PROK1: variants seen among roughly 807,000 people sequenced by gnomAD.
PROK1 encodes the protein prokineticin 1, also known as prokineticin-1.
PROK1 carries 10 observed loss-of-function variants against 8.8 expected under a neutral mutation model. The observed-to-expected ratio is 1.13, with a 90% confidence interval of 0.70 to 1.92. The LOEUF (loss-of-function observed/expected upper bound fraction) is 1.92, where lower values mean the gene tolerates loss of function less well. Among genes scored for constraint, PROK1 ranks in the 30% most tolerant of loss-of-function variants. The pLI is 0.00. For missense variants in PROK1, 140 were observed against 139.7 expected (o/e 1.00, Z -0.01); for synonymous variants, 57 against 56.0 (o/e 1.02, Z -0.08).
chr1:110,455,373 C>T (rs139576490), intron 2 of PROK1, among the ~76,000 whole-genome samples: 7 of 152,320 alleles, frequency 4.6e-5, no homozygotes, highest in African/African-American at 1.2e-4. Flanking sequence ...TCTCTAGGCA[C>T]GGAGCGTCCT....
At position 110,456,472 on chromosome 1, in the gene PROK1, C is replaced by G; in HGVS notation, c.*121C>G. 1 of 1,272,326 alleles carries G rather than the reference C, an allele frequency of 7.9e-7. No individual in the cohort carries two copies. Among genetic ancestry groups the G allele is most frequent in the Non-Finnish European group, 1.1e-6 (1 of 888,570 alleles). The allele number at this position is 1,272,326 out of a possible 1,614,324, so 78.8% of individuals were successfully genotyped here. A position where few individuals can be genotyped will look rare whatever the true frequency, so the allele number is the denominator to read the frequency against. ...GTCCCTACACTGACTACCCTGATCT[C>G]TCTTGTCTAGTACGCACATATGCAC... On this transcript the variant is annotated 3_prime_UTR_variant, in exon 3 of 3. Coordinates refer to ENST00000271331, the MANE Select transcript of PROK1 (RefSeq NM_032414.3).
chr1:110,453,448 A>G (rs1035449638), intron 1 of PROK1, among the ~76,000 whole-genome samples: 3 of 152,078 alleles, frequency 2.0e-5, no homozygotes, highest in African/African-American at 7.2e-5. Flanking sequence ...CCCTCTGCTG[A>G]GGCTGGGCCA....
In PROK1 at chr1:110,454,087, G is replaced by A. The variant is rs113229704; in HGVS notation, c.198+1G>A. On this transcript the variant is annotated splice_donor_variant, in intron 2 of 2. Transcript: ENST00000271331. LOFTEE classifies it high-confidence loss of function. ...GGAGTGCCACCCCGGCAGCCACAAGGTACTCTGCAGACACTGCATAGGTGC... is the reference window on the plus strand; with the variant it reads ...GGAGTGCCACCCCGGCAGCCACAAGATACTCTGCAGACACTGCATAGGTGC... 4.0e-5 allele frequency: 65 copies of A among 1,613,474 alleles called. No homozygotes were observed. The highest frequency in any genetic ancestry group is 5.3e-5 in the Non-Finnish European group (63 of 1,179,920).
At chr1:110,453,095 G>A (rs1664112939) in intron 1 of PROK1, among the ~76,000 whole-genome samples, 1 of 152,194 alleles carries the variant, frequency 6.6e-6, no homozygotes, top group Non-Finnish European at 1.5e-5. Context: ...GCAGCCTGAA[G>A]GTGCCCATAG....
chr1:110,451,922 G>A (rs931338155), intron 1 of PROK1, among the ~76,000 whole-genome samples: 1 of 151,754 alleles, frequency 6.6e-6, no homozygotes, highest in Non-Finnish European at 1.5e-5. Flanking sequence ...CAGTCTCGAA[G>A]CAGAGAAGCA....
intron 2 of PROK1, among the ~76,000 whole-genome samples, chr1:110,455,631 CAT>C (rs1557936683): frequency 6.6e-6 from 1 of 152,196 alleles, no homozygotes; most frequent in African/African-American, 2.4e-5. Context: ...TTTATAACCA[CAT>C]GTGGTAGGTG....
chr1:110,454,716 C>T (rs1664142877), intron 2 of PROK1, among the ~76,000 whole-genome samples: 1 of 152,238 alleles, frequency 6.6e-6, no homozygotes, highest in South Asian at 2.1e-4. Context: ...CTTGGGCAAA[C>T]TACCTCACCT....
chr1:110,454,133 C>T (rs565581756), intron 2 of PROK1, 47 bp downstream of exon 2: 84 of 1,599,042 alleles, frequency 5.3e-5, no homozygotes, highest in African/African-American at 1.2e-4. Flanking sequence ...GTGGGCCATG[C>T]GGGGAGCAGA....
At chr1:110,452,821 G>C (rs1350499993) in intron 1 of PROK1, among the ~76,000 whole-genome samples, 2 of 152,282 alleles carry the variant, frequency 1.3e-5, no homozygotes, top group South Asian at 4.1e-4. Flanking sequence ...CACATCCAAG[G>C]CTTTATGATC....
intron 2 of PROK1, 52 bp from the exon 3 acceptor site, chr1:110,456,180 G>A (rs1268489262): frequency 2.5e-6 from 4 of 1,601,790 alleles, no homozygotes; most frequent in Middle Eastern, 1.7e-4. Context: ...ACTGCTGCCA[G>A]GAGGCCCACC....
At position 110,453,943 on chromosome 1, in the gene PROK1, TCTC is replaced by T. The variant is rs1441992837; in HGVS notation, c.73-17_73-15del. 3.1e-6 allele frequency: 5 copies of T among 1,614,020 alleles called. No homozygotes were observed. The highest frequency in any genetic ancestry group is 4.2e-6 in the Non-Finnish European group (5 of 1,180,002). On this transcript the variant is annotated splice_polypyrimidine_tract_variant and intron_variant, in intron 1 of 2. Coordinates refer to ENST00000271331, the MANE Select transcript of PROK1 (RefSeq NM_032414.3). The stretch of plus-strand genomic sequence containing the variant: ...TGGGTGCACTAATGAACTGTTCCCT[TCTC>T]TCTCCCTCCTACAGGCCTGTGAGCG...
At chr1:110,452,382 T>C (rs1052888063) in intron 1 of PROK1, among the ~76,000 whole-genome samples, 3 of 152,230 alleles carry the variant, frequency 2.0e-5, no homozygotes, top group African/African-American at 7.2e-5. Flanking sequence ...TTATACCTAA[T>C]GAAGTGTTTA....
Position 110,456,246 on chromosome 1 carries a change from G to C in PROK1, c.213G>C (p.Arg71Ser), listed in dbSNP as rs1664170039. 1.2e-6 allele frequency: 2 copies of C among 1,613,328 alleles called. No homozygotes were observed. Among genetic ancestry groups the C allele is most frequent in the South Asian group, 1.1e-5 (1 of 91,082 alleles). ...HPGSHKVPFF[R>S]KRKHHTCPCL... ...TCTCTCCTTAGGTCCCCTTCTTCAG[G>C]AAACGCAAGCACCACACCTGTCCTT... is the stretch of plus-strand genomic sequence containing the variant. Residue 71 changes from arginine to serine, a missense_variant, in exon 3 of 3, where the codon AGG becomes AGC. Transcript: ENST00000271331.
In PROK1 at chr1:110,456,546, G is replaced by A; in HGVS notation, c.*195G>A. ...TGACATGGTCCCCAGGCTGGCCTGAGGATGTCACAGCTTGAGGCTGTGGTG... is the reference window on the plus strand; with the variant it reads ...TGACATGGTCCCCAGGCTGGCCTGAAGATGTCACAGCTTGAGGCTGTGGTG... On this transcript the variant is annotated 3_prime_UTR_variant, in exon 3 of 3. Transcript: ENST00000271331. The A allele has an allele frequency of 1.4e-6, 1 of 709,552 alleles. No individual in the cohort carries two copies. The highest frequency in any genetic ancestry group is 2.4e-6 in the Non-Finnish European group (1 of 416,832). 44.0% of individuals were successfully genotyped at this position (709,552 alleles called of 1,614,324 possible).
intron 2 of PROK1, among the ~76,000 whole-genome samples, chr1:110,455,082 C>T (rs551365483): frequency 6.6e-5 from 10 of 152,334 alleles, no homozygotes; most frequent in Admixed American, 5.2e-4. Flanking sequence ...ACCAGTTAAC[C>T]AGTGAAGCTC....
Position 110,454,111 on chromosome 1 carries a change from G to T in PROK1, c.198+25G>T, listed in dbSNP as rs146968434. ...GGTACTCTGCAGACACTGCATAGGT[G>T]CACATATGTGGGTGGGCCATGCGGG... is the stretch of plus-strand genomic sequence containing the variant. On this transcript the variant is annotated intron_variant, in intron 2 of 2. Transcript: ENST00000271331. The T allele has an allele frequency of 2.0e-5, 33 of 1,611,158 alleles. No homozygotes were observed. In the African/African-American group the frequency reaches 3.6e-4, roughly 18 times the overall value.
chr1:110,452,989 G>A (rs1028516027), intron 1 of PROK1, among the ~76,000 whole-genome samples: 3 of 152,102 alleles, frequency 2.0e-5, no homozygotes, highest in African/African-American at 2.4e-5. Context: ...CCCACCACCC[G>A]TAACTCCTCT....
rs773074032 is a variant in PROK1, at chr1:110,454,071, C to T, written c.183C>T (p.His61=). 1.2e-6 allele frequency: 2 copies of T among 1,613,556 alleles called. No homozygotes were observed. Among genetic ancestry groups the T allele is most frequent in the South Asian group, 1.1e-5 (1 of 91,052 alleles). The change falls in exon 2 of 3, where the codon CAC becomes CAT. Residue 61 remains histidine, a synonymous_variant. Transcript: ENST00000271331. The part of the protein sequence containing the change: ...TPLGREGEEC[H]PGSHKVPFFR... ...TGGGGCGGGAAGGCGAGGAGTGCCA[C>T]CCCGGCAGCCACAAGGTACTCTGCA...
rs1326662177 is a variant in PROK1 at position 110,456,441 on chromosome 1, C to T, written c.*90C>T. Reference sequence around the variant, plus strand: ...GCCATGAAACCCAGCTCCCATGACTCTCCCAGTCCCTACACTGACTACCCT... The same window carrying T: ...GCCATGAAACCCAGCTCCCATGACTTTCCCAGTCCCTACACTGACTACCCT... On this transcript the variant is annotated 3_prime_UTR_variant, in exon 3 of 3. Coordinates refer to ENST00000271331, the MANE Select transcript of PROK1 (RefSeq NM_032414.3). 4.0e-6 allele frequency: 6 copies of T among 1,511,116 alleles called. No homozygotes were observed. The East Asian group carries it at 1.4e-4, about 34-fold the overall frequency. The allele number at this position is 1,511,116 out of a possible 1,614,324, so 93.6% of individuals were successfully genotyped here.
Sources: allele counts gnomAD v4.1 joint callset (sites outside exome capture counted in the v4.1 genomes callset), GRCh38; gene constraint gnomAD v4.1.1; transcripts MANE v1.5; gene names NCBI Gene and HGNC (gene_info 2026-07-23, HGNC 2026-07-21).